UVRAG: variants seen among roughly 807,000 people sequenced by gnomAD.
The protein encoded by UVRAG is UV radiation resistance-associated gene protein.
In UVRAG, 19 loss-of-function variants were observed where a neutral mutation model predicts 78.0. That is an observed-to-expected ratio of 0.24 (90% CI 0.17 to 0.36). UVRAG has a LOEUF of 0.36. Among genes scored for constraint, UVRAG ranks in the 10% least tolerant of loss-of-function variants. UVRAG has a pLI of 1.00. For synonymous variants in UVRAG, 323 were observed against 324.6 expected (o/e 1.00, Z 0.05); for missense variants, 740 against 853.8 (o/e 0.87, Z 1.66).
chr11:75,839,797 G>A (rs576413576), intron 1 of UVRAG, among the ~76,000 whole-genome samples: 1 of 138,864 alleles, frequency 7.2e-6, no homozygotes, highest in South Asian at 2.3e-4. Flanking sequence ...TGCAAGTAGT[G>A]TATGTGTGTG....
intron 2 of UVRAG, among the ~76,000 whole-genome samples, chr11:75,860,035 T>A (rs1484544010): frequency 6.6e-6 from 1 of 152,236 alleles, no homozygotes; most frequent in Admixed American, 6.5e-5. Context: ...ACCTCCACCT[T>A]CTGGGTTCAA....
At chr11:75,843,729 TG>T (rs2135845849) in intron 1 of UVRAG, among the ~76,000 whole-genome samples, 2 of 151,990 alleles carry the variant, frequency 1.3e-5, no homozygotes, top group South Asian at 4.2e-4. Context: ...GAGGCCGAGG[TG>T]GGTGGATCAT....
At chr11:75,889,812 G>A (rs1947177017) in intron 5 of UVRAG, among the ~76,000 whole-genome samples, 1 of 152,206 alleles carries the variant, frequency 6.6e-6, no homozygotes, top group African/African-American at 2.4e-5. Context: ...CACTGATACA[G>A]TAATCTAACA....
intron 1 of UVRAG, among the ~76,000 whole-genome samples, chr11:75,836,258 G>T (rs1295407674): frequency 6.6e-6 from 1 of 152,160 alleles, no homozygotes; most frequent in Non-Finnish European, 1.5e-5. Context: ...AATCAGAATT[G>T]TACTTCAACA....
intron 6 of UVRAG, among the ~76,000 whole-genome samples, chr11:75,937,672 C>A (rs1426139764): frequency 6.6e-6 from 1 of 152,064 alleles, no homozygotes; most frequent in Non-Finnish European, 1.5e-5. Flanking sequence ...GCTGCTTTGT[C>A]ACTGTTGCAA....
At chr11:75,962,187 C>G (rs2135206309) in intron 7 of UVRAG, among the ~76,000 whole-genome samples, 1 of 151,776 alleles carries the variant, frequency 6.6e-6, no homozygotes, top group Admixed American at 6.6e-5. Flanking sequence ...TTTTGAGGAA[C>G]TTTGTGCTGT....
chr11:75,870,000 A>T (rs1946617111), intron 3 of UVRAG, among the ~76,000 whole-genome samples: 2 of 152,236 alleles, frequency 1.3e-5, no homozygotes, highest in African/African-American at 2.4e-5. Context: ...ATGTGGTGGT[A>T]CAGGTCCCTG....
chr11:76,107,749 C>T (rs753258830), intron 13 of UVRAG, among the ~76,000 whole-genome samples: 1 of 151,054 alleles, frequency 6.6e-6, no homozygotes, highest in Admixed American at 6.6e-5. Context: ...GAAAGAATTA[C>T]GTTTTCTTCT....
At chr11:76,063,581 T>C (rs915329072) in intron 12 of UVRAG, among the ~76,000 whole-genome samples, 9 of 152,182 alleles carry the variant, frequency 5.9e-5, no homozygotes, top group Middle Eastern at 3.2e-3. Context: ...AGTCGGTGAA[T>C]TTTCAATGTG....
intron 5 of UVRAG, among the ~76,000 whole-genome samples, chr11:75,902,476 T>G (rs79274999): frequency 0.01 from 1,592 of 152,300 alleles, 24 homozygotes; most frequent in African/African-American, 0.036. Flanking sequence ...TGGGAACCCC[T>G]GATATAGCTT....
At chr11:76,071,417 G>A (rs117702511) in intron 13 of UVRAG, among the ~76,000 whole-genome samples, 103 of 152,242 alleles carry the variant, frequency 6.8e-4, no homozygotes, top group South Asian at 1.5e-3. Flanking sequence ...TAATTGAGTG[G>A]CAGAGGTACC....
intron 13 of UVRAG, among the ~76,000 whole-genome samples, chr11:76,093,339 G>T (rs905764208): frequency 6.6e-6 from 1 of 152,128 alleles, no homozygotes; most frequent in East Asian, 1.9e-4. Flanking sequence ...TTGACAATGC[G>T]GGCTCTTTTT....
chr11:76,039,950 G>T (rs1034499123), intron 12 of UVRAG, among the ~76,000 whole-genome samples: 1 of 152,082 alleles, frequency 6.6e-6, no homozygotes, highest in Non-Finnish European at 1.5e-5. Context: ...AAAAATGATA[G>T]TGAAAAACAC....
At chr11:76,012,793 ATGTTTGTG>A (rs1392722487) in intron 11 of UVRAG, 130 of 128,108 alleles carry the variant, frequency 1.0e-3, no homozygotes, top group African/African-American at 3.7e-3. Flanking sequence ...TAAAAAAAAA[ATGTTTGTG>A]TGTGTGTGTG....
At chr11:75,978,273 T>C (rs1949298580) in intron 7 of UVRAG, among the ~76,000 whole-genome samples, 2 of 152,170 alleles carry the variant, frequency 1.3e-5, no homozygotes, top group Admixed American at 1.3e-4. Flanking sequence ...GTGGGTAACC[T>C]GACCTTTCTC....
chr11:76,099,440 A>G (rs929394034), intron 13 of UVRAG, among the ~76,000 whole-genome samples: 6 of 152,162 alleles, frequency 3.9e-5, no homozygotes, highest in African/African-American at 1.2e-4. Flanking sequence ...ACAGGGCCTA[A>G]TCAATAGAAA....
rs143377889 is a variant in UVRAG at position 75,822,465 on chromosome 11, G to C, written c.117+6941G>C. 4.6e-3 allele frequency among the ~76,000 whole-genome samples: 706 copies of C among 152,250 alleles called. 5 individuals carry two copies. Among genetic ancestry groups the C allele is most frequent in the African/African-American group, 0.016 (646 of 41,554 alleles). ...TCAATTCTGCCACAATCTCCTTAGA[G>C]TTAGTATCATATTCCACAAGTTAAA... On this transcript the variant is annotated intron_variant, in intron 1 of 14. Coordinates refer to ENST00000356136, the MANE Select transcript of UVRAG (RefSeq NM_003369.4).
chr11:76,081,279 C>T (rs1951488644), intron 13 of UVRAG, among the ~76,000 whole-genome samples: 1 of 152,022 alleles, frequency 6.6e-6, no homozygotes, highest in African/African-American at 2.4e-5. Flanking sequence ...AATCTTGACT[C>T]ACTGCAACCT....
At chr11:75,942,928 G>A (rs1948514196) in intron 6 of UVRAG, among the ~76,000 whole-genome samples, 1 of 152,108 alleles carries the variant, frequency 6.6e-6, no homozygotes, top group Non-Finnish European at 1.5e-5. Context: ...AGACACAGTG[G>A]TGTGCACCTA....
Sources: gnomAD v4.1 joint callset for allele counts (sites outside exome capture counted in the v4.1 genomes callset) on GRCh38, gnomAD v4.1.1 for gene constraint, MANE v1.5 for transcripts, NCBI Gene and HGNC (gene_info 2026-07-23, HGNC 2026-07-21) for gene names.